The following TXNDC15 variants were observed in gnomAD, a reference collection of about 807,000 sequenced individuals.
The protein encoded by TXNDC15 is thioredoxin domain-containing protein 15.
Under a neutral mutation model 35.0 loss-of-function variants are expected in TXNDC15, and 24 were observed. That is an observed-to-expected ratio of 0.68 (90% CI 0.50 to 0.96). The LOEUF (loss-of-function observed/expected upper bound fraction) is 0.96. Among genes scored for constraint, TXNDC15 ranks in the 40% least tolerant of loss-of-function variants. The pLI is 0.00. For synonymous variants in TXNDC15, 169 were observed against 174.0 expected, an observed-to-expected ratio of 0.97 and a Z score of 0.23; for missense variants, 385 against 453.3, an observed-to-expected ratio of 0.85 and a Z score of 1.37.
chr5:134,893,513 C>T lies in TXNDC15; in HGVS notation c.613C>T (p.Pro205Ser). 9.9e-6 allele frequency: 16 copies of T among 1,614,126 alleles called. No homozygotes were observed. The highest frequency in any genetic ancestry group is 1.2e-5 in the Non-Finnish European group (14 of 1,180,026). The change falls in exon 3 of 5, where the codon CCA (proline) becomes TCA (serine). Residue 205 changes from proline (P) to serine (S), a missense_variant. Pro to Ser is a moderately conservative substitution (Grantham distance 74, BLOSUM62 -1). Transcript: ENST00000358387. ...ACAGGACCTTATGGATTTTCTGAAC[C>T]CAAACGGTAGTGACTGTACTCTAGT... ...MSQDLMDFLNPNGSDCTLVLF... is the reference protein window; with the variant it reads ...MSQDLMDFLNSNGSDCTLVLF...
Position 134,901,367 on chromosome 5 carries a change from A to C in TXNDC15, c.*1682A>C, listed in dbSNP as rs887030430. 4 of 152,184 alleles carry C rather than the reference A, an allele frequency of 2.6e-5. No individual in the cohort carries two copies. The highest frequency in any genetic ancestry group is 9.7e-5 in the African/African-American group (4 of 41,444). The allele number at this position is 152,184 out of a possible 1,614,324, so 9.4% of individuals were successfully genotyped here. ...TGGCAGGAGGGGACCGTATCTCAGAATGGCACATTATTTCTATTTTACACA... is the reference window on the plus strand; with the variant it reads ...TGGCAGGAGGGGACCGTATCTCAGACTGGCACATTATTTCTATTTTACACA... On this transcript the variant is annotated 3_prime_UTR_variant, in exon 5 of 5. Coordinates refer to ENST00000358387, the MANE Select transcript of TXNDC15 (RefSeq NM_024715.4).
At chr5:134,884,021 C>G (rs1450543415) in intron 1 of TXNDC15, among the ~76,000 whole-genome samples, 1 of 151,518 alleles carries the variant, frequency 6.6e-6, no homozygotes, top group African/African-American at 2.4e-5. Context: ...GAGTTCGAGA[C>G]CAGCCTGGCC....
At chr5:134,881,883 A>C (rs1750154646) in intron 1 of TXNDC15, among the ~76,000 whole-genome samples, 5 of 141,002 alleles carry the variant, frequency 3.5e-5, no homozygotes, top group African/African-American at 5.3e-5. Context: ...ACTTCCCAGT[A>C]GGGGCGGCCG....
At chr5:134,894,656 T>A (rs1390983905) in intron 3 of TXNDC15, among the ~76,000 whole-genome samples, 1 of 152,130 alleles carries the variant, frequency 6.6e-6, no homozygotes, top group African/African-American at 2.4e-5. Flanking sequence ...CCACTTTTTG[T>A]CTTTTTTAAA....
chr5:134,883,873 C>T (rs1750216627), intron 1 of TXNDC15, among the ~76,000 whole-genome samples: 1 of 149,442 alleles, frequency 6.7e-6, no homozygotes, highest in Non-Finnish European at 1.5e-5. Context: ...CGAGATGGTG[C>T]CACTGCACTC....
At chr5:134,884,251 C>CTT (rs1192746499) in intron 1 of TXNDC15, among the ~76,000 whole-genome samples, 1 of 139,434 alleles carries the variant, frequency 7.2e-6, no homozygotes, top group African/African-American at 2.6e-5. Flanking sequence ...ACAATTTGAT[C>CTT]TTTTTTTTTT....
rs756310311 is a variant in TXNDC15, at chr5:134,887,804, G to A, written c.213G>A (p.Gln71=). 22 of 1,614,232 alleles carry A rather than the reference G, an allele frequency of 1.4e-5. 1 individual carries two copies. The East Asian group carries it at 4.9e-4, about 36-fold the overall frequency. ...EEELLHDPMG[Q]DRAAEEANAV... ...AGCTCCTGCATGACCCGATGGGCCAGGACAGGGCAGCAGAAGAGGCCAATG... is the reference window on the plus strand; with the variant it reads ...AGCTCCTGCATGACCCGATGGGCCAAGACAGGGCAGCAGAAGAGGCCAATG... The change falls in exon 2 of 5, where the codon CAG becomes CAA. Residue 71 remains glutamine (Q), a synonymous_variant. Coordinates refer to ENST00000358387, the MANE Select transcript of TXNDC15 (RefSeq NM_024715.4).
In TXNDC15 at chr5:134,887,702, G is replaced by C; in HGVS notation, c.111G>C (p.Glu37Asp). The C allele has an allele frequency of 6.4e-7, 1 of 1,571,596 alleles. No individual in the cohort carries two copies. Among genetic ancestry groups the C allele is most frequent in the Non-Finnish European group, 8.6e-7 (1 of 1,156,460 alleles). ...GLPVRGVEVA[E>D]ESGRLWSEEQ... Reference sequence around the variant, plus strand: ...TGTGCTGGCATGTTTTAGTTGCAGAGGAAAGTGGTCGCTTATGGTCAGAGG... The same window carrying C: ...TGTGCTGGCATGTTTTAGTTGCAGACGAAAGTGGTCGCTTATGGTCAGAGG... Residue 37 changes from glutamate (E) to aspartate (D), a missense_variant, in exon 2 of 5, where the codon GAG (glutamate) becomes GAC (aspartate). Glu to Asp is a conservative substitution (Grantham distance 45). Coordinates refer to ENST00000358387, the MANE Select transcript of TXNDC15 (RefSeq NM_024715.4).
chr5:134,875,086 C>T, intron 1 of TXNDC15: 1 of 455,200 alleles, frequency 2.2e-6, no homozygotes, highest in Admixed American at 2.4e-5. Flanking sequence ...GTCTGGAGTC[C>T]ACGCTGCTGG....
At chr5:134,879,660 T>TC (rs1365138489) in intron 1 of TXNDC15, among the ~76,000 whole-genome samples, 2 of 152,170 alleles carry the variant, frequency 1.3e-5, no homozygotes. Flanking sequence ...AAAGCTCCCT[T>TC]CCCAGGCACC....
intron 2 of TXNDC15, among the ~76,000 whole-genome samples, chr5:134,891,493 A>G (rs1422804988): frequency 1.3e-5 from 2 of 152,218 alleles, no homozygotes; most frequent in African/African-American, 4.8e-5. Flanking sequence ...AGGTCTCAAC[A>G]GTGGGCCTAA....
intron 3 of TXNDC15, 108 bp downstream of exon 3, chr5:134,893,763 T>C (rs1327053713): frequency 7.1e-7 from 1 of 1,415,480 alleles, no homozygotes; most frequent in Non-Finnish European, 9.8e-7. Flanking sequence ...GCATGAACTG[T>C]GTCCTGGGAT....
intron 1 of TXNDC15, among the ~76,000 whole-genome samples, chr5:134,885,223 C>T (rs747827390): frequency 5.9e-5 from 9 of 152,084 alleles, no homozygotes; most frequent in Non-Finnish European, 7.3e-5. Flanking sequence ...CACCTGGCCC[C>T]GTATATATAT....
At chr5:134,874,636 T>G in intron 1 of TXNDC15, 106 bp downstream of exon 1, 1 of 878,002 alleles carries the variant, frequency 1.1e-6, no homozygotes, top group South Asian at 1.8e-5. Context: ...ACTCGCCCCT[T>G]CTTGGCGTCT....
At position 134,874,514 on chromosome 5, in the gene TXNDC15, C is replaced by T. The variant is rs771334108; in HGVS notation, c.87C>T (p.Pro29=). The part of the protein sequence containing the change: ...WQVLLWVLGL[P]VRGVEVAEES... ...TATTGCTGTGGGTGCTGGGACTTCC[C>T]GTCCGCGGCGTGGAGGGTGAGTGTG... Residue 29 remains proline, a synonymous_variant, in exon 1 of 5, where the codon CCC becomes CCT. Coordinates refer to ENST00000358387, the MANE Select transcript of TXNDC15 (RefSeq NM_024715.4). 1.9e-6 allele frequency: 3 copies of T among 1,601,180 alleles called. No homozygotes were observed. Among genetic ancestry groups the T allele is most frequent in the Non-Finnish European group, 2.5e-6 (3 of 1,176,718 alleles).
rs150758390 is a variant in TXNDC15 at position 134,893,602 on chromosome 5, C to G, written c.702C>G (p.Pro234=). Reference sequence around the variant, plus strand: ...TGGCCCCTCACTTTAACTCTCTGCCCCGGGCATTTCCAGCTCTTCACTTTT... The same window carrying G: ...TGGCCCCTCACTTTAACTCTCTGCCGCGGGCATTTCCAGCTCTTCACTTTT... ...ASLAPHFNSL[P]RAFPALHFLA... is the part of the protein sequence containing the mutation. The change falls in exon 3 of 5, where the codon CCC becomes CCG. Residue 234 remains proline, a synonymous_variant. Coordinates refer to ENST00000358387, the MANE Select transcript of TXNDC15 (RefSeq NM_024715.4). 2 of 1,614,070 alleles carry G rather than the reference C, an allele frequency of 1.2e-6. No homozygotes were observed. Among genetic ancestry groups the G allele is most frequent in the Non-Finnish European group, 1.7e-6 (2 of 1,180,046 alleles).
intron 2 of TXNDC15, among the ~76,000 whole-genome samples, chr5:134,889,074 G>A (rs1455844683): frequency 6.6e-6 from 1 of 152,200 alleles, no homozygotes. Context: ...GCTCCTCCAA[G>A]GGCAGTGCTC....
At chr5:134,880,844 T>G (rs1383522198) in intron 1 of TXNDC15, among the ~76,000 whole-genome samples, 1 of 152,130 alleles carries the variant, frequency 6.6e-6, no homozygotes, top group African/African-American at 2.4e-5. Context: ...CTACATGATG[T>G]TTTGTTTTTT....
chr5:134,894,369 C>CTTTTTTTTTTT, intron 3 of TXNDC15, among the ~76,000 whole-genome samples: 1 of 131,404 alleles, frequency 7.6e-6, no homozygotes, highest in Non-Finnish European at 1.7e-5. Flanking sequence ...TTTTTTTTTT[C>CTTTTTTTTTTT]TTTTTTTTTT....
Sources: gnomAD v4.1 joint callset for allele counts (sites outside exome capture counted in the v4.1 genomes callset) on GRCh38, gnomAD v4.1.1 for gene constraint, MANE v1.5 for transcripts, NCBI Gene and HGNC (gene_info 2026-07-23, HGNC 2026-07-21) for gene names.